Variants in LRRC28 observed in about 807,000 individuals in gnomAD.
The protein encoded by LRRC28 is leucine rich repeat containing 28.
Under a neutral mutation model 45.7 loss-of-function variants are expected in LRRC28, and 39 were observed. That is an observed-to-expected ratio of 0.85 (90% CI 0.66 to 1.12). The LOEUF is 1.12. LRRC28 is among the 50% of genes most tolerant of loss of function. The pLI, the probability that LRRC28 is intolerant of heterozygous loss-of-function variation, is 0.00. For missense variants in LRRC28, 435 were observed against 438.5 expected, an observed-to-expected ratio of 0.99 and a Z score of 0.07; for synonymous variants, 206 against 178.8, an observed-to-expected ratio of 1.15 and a Z score of -1.22.
chr15:99,361,751 A>G (rs2152326359), intron 8 of LRRC28, among the ~76,000 whole-genome samples: 1 of 152,328 alleles, frequency 6.6e-6, no homozygotes, highest in Admixed American at 6.5e-5. Context: ...ATTAACACTG[A>G]TCACTTTAGC....
At chr15:99,358,000 G>GA (rs1957093821) in intron 7 of LRRC28, among the ~76,000 whole-genome samples, 1 of 151,792 alleles carries the variant, frequency 6.6e-6, no homozygotes, top group African/African-American at 2.4e-5. Flanking sequence ...TAAATACTGG[G>GA]AAAAAAAGAA....
rs554236140 is a variant in LRRC28, at chr15:99,279,153, A to G, written c.209+2537A>G. 7.2e-5 allele frequency among the ~76,000 whole-genome samples: 11 copies of G among 152,338 alleles called. No homozygotes were observed. The South Asian group carries it at 1.4e-3, about 20-fold the overall frequency. On this transcript the variant is annotated intron_variant, in intron 3 of 9. Transcript: ENST00000301981. ...TTTTATATTAGTGGAATGAGACAAT[A>G]TGTGACCTTTTGTATCTGGCTGCAT...
intron 3 of LRRC28, among the ~76,000 whole-genome samples, chr15:99,277,660 G>T (rs761309886): frequency 6.6e-6 from 1 of 152,024 alleles, no homozygotes; most frequent in Non-Finnish European, 1.5e-5. Context: ...AACATTTTTT[G>T]TGGTGTTTGA....
chr15:99,326,070 G>T (rs999042788), intron 5 of LRRC28, among the ~76,000 whole-genome samples: 1 of 152,054 alleles, frequency 6.6e-6, no homozygotes, highest in Non-Finnish European at 1.5e-5. Flanking sequence ...ATGGATTTTG[G>T]AGTGTGGCCT....
intron 4 of LRRC28, 79 bp downstream of exon 4, chr15:99,287,373 T>A: frequency 9.2e-7 from 1 of 1,087,772 alleles, no homozygotes; most frequent in Non-Finnish European, 1.3e-6. Context: ...ATTTTATTTT[T>A]AAGACACCTT....
At chr15:99,377,682 T>C (rs1366446230) in intron 9 of LRRC28, among the ~76,000 whole-genome samples, 2,139 of 152,096 alleles carry the variant, frequency 0.014, 40 homozygotes, top group African/African-American at 0.049. Context: ...TTAGGTCTAA[T>C]GTTTAAGTCT....
intron 5 of LRRC28, among the ~76,000 whole-genome samples, chr15:99,323,929 T>C (rs1046140809): frequency 6.6e-6 from 1 of 152,194 alleles, no homozygotes; most frequent in African/African-American, 2.4e-5. Context: ...TTGAACCTAT[T>C]TGTACGTACC....
chr15:99,254,960 T>A (rs909461010), intron 1 of LRRC28, among the ~76,000 whole-genome samples: 8 of 152,224 alleles, frequency 5.3e-5, no homozygotes, highest in African/African-American at 1.9e-4. Flanking sequence ...ACAGGATTCT[T>A]GTTTCTGAGT....
In LRRC28 at chr15:99,387,592, TGAA is replaced by T. The variant is rs1958064301; in HGVS notation, c.*1495_*1497del. On this transcript the variant is annotated 3_prime_UTR_variant, in exon 10 of 10. Transcript: ENST00000301981. ...CCACCCTGCCAGAAAGAACTCTTCA[TGAA>T]GAAGTCACGTATTTGCTCTTCCTTT... 6.6e-6 allele frequency: 1 copy of T among 152,242 alleles called. No individual in the cohort carries two copies. The highest frequency in any genetic ancestry group is 2.1e-4 in the South Asian group (1 of 4,834). 9.4% of individuals were successfully genotyped at this position (152,242 alleles called of 1,614,324 possible). A position where few individuals can be genotyped will look rare whatever the true frequency, so the allele number is the denominator to read the frequency against.
At chr15:99,264,378 C>G (rs1319583559) in intron 2 of LRRC28, among the ~76,000 whole-genome samples, 3 of 152,062 alleles carry the variant, frequency 2.0e-5, no homozygotes, top group East Asian at 1.9e-4. Flanking sequence ...TAAGGCTCAG[C>G]AAAAGCGGGG....
At chr15:99,310,037 T>A (rs1955346101) in intron 5 of LRRC28, among the ~76,000 whole-genome samples, 1 of 152,232 alleles carries the variant, frequency 6.6e-6, no homozygotes, top group African/African-American at 2.4e-5. Context: ...GAGGGTCATG[T>A]GAAAATCGTA....
At chr15:99,376,205 T>C in intron 9 of LRRC28, among the ~76,000 whole-genome samples, 1 of 152,162 alleles carries the variant, frequency 6.6e-6, no homozygotes, top group Admixed American at 6.6e-5. Flanking sequence ...CTTTGAGATT[T>C]CCTTTTTGAC....
At chr15:99,285,549 G>A (rs1249042030) in intron 3 of LRRC28, 8 of 1,014,290 alleles carry the variant, frequency 7.9e-6, no homozygotes, top group Middle Eastern at 2.9e-4. Context: ...TCAGCTGTTC[G>A]GGCTCTTTAG....
intron 7 of LRRC28, among the ~76,000 whole-genome samples, chr15:99,358,712 T>C (rs1325975849): frequency 6.8e-6 from 1 of 148,068 alleles, no homozygotes; most frequent in Non-Finnish European, 1.5e-5. Context: ...CCCGTATTAT[T>C]TTTCCATTTG....
At chr15:99,365,856 C>CA (rs1473673909) in intron 9 of LRRC28, among the ~76,000 whole-genome samples, 1 of 152,124 alleles carries the variant, frequency 6.6e-6, no homozygotes, top group Non-Finnish European at 1.5e-5. Context: ...CCCAAACTTT[C>CA]AAATATTTAT....
At chr15:99,360,040 G>C (rs1957157059) in intron 7 of LRRC28, among the ~76,000 whole-genome samples, 1 of 151,680 alleles carries the variant, frequency 6.6e-6, no homozygotes, top group Non-Finnish European at 1.5e-5. Flanking sequence ...ACTGTGGTCA[G>C]ATATTTGGTA....
chr15:99,325,030 C>T (rs1410364650), intron 5 of LRRC28, among the ~76,000 whole-genome samples: 1 of 152,150 alleles, frequency 6.6e-6, no homozygotes, highest in East Asian at 1.9e-4. Flanking sequence ...GGGGAGTGTG[C>T]CATCTCACCA....
intron 3 of LRRC28, among the ~76,000 whole-genome samples, chr15:99,284,416 C>A (rs1007331327): frequency 6.6e-5 from 10 of 152,238 alleles, no homozygotes; most frequent in Admixed American, 2.0e-4. Context: ...AGAACAGAAA[C>A]TAAAATAATA....
At chr15:99,279,865 A>C (rs1193038645) in intron 3 of LRRC28, among the ~76,000 whole-genome samples, 2 of 152,274 alleles carry the variant, frequency 1.3e-5, no homozygotes, top group East Asian at 3.9e-4. Flanking sequence ...CTGTTGCTCA[A>C]AATTTTTAGT....
Sources: gnomAD v4.1 joint callset for allele counts (sites outside exome capture counted in the v4.1 genomes callset) on GRCh38, gnomAD v4.1.1 for gene constraint, MANE v1.5 for transcripts, NCBI Gene and HGNC (gene_info 2026-07-23, HGNC 2026-07-21) for gene names.